The following TPM2 variants were observed in gnomAD, a reference collection of about 807,000 sequenced individuals.
TPM2 encodes tropomyosin 2, also known as tropomyosin beta chain.
In TPM2, 26 loss-of-function variants were observed where a neutral mutation model predicts 41.0. The ratio of observed to expected loss-of-function variants is 0.63; its 90% CI spans 0.46 to 0.88. TPM2 has a LOEUF of 0.88. Among genes scored for constraint, TPM2 ranks in the 40% least tolerant of loss-of-function variants. TPM2 has a pLI of 0.00. For missense variants in TPM2, 187 were observed against 355.2 expected (o/e 0.53, Z 3.81); for synonymous variants, 143 against 139.3 (o/e 1.03, Z -0.19).
At position 35,685,877 on chromosome 9, in the gene TPM2, T is replaced by C; in HGVS notation, c.241-97A>G. On this transcript the variant is annotated intron_variant, in intron 2 of 8. Coordinates refer to ENST00000645482, the MANE Select transcript of TPM2 (RefSeq NM_003289.4). The surrounding 1 kb of genome is among the most constrained non-coding windows in gnomAD (Gnocchi z 5.0). ...TGGCGAGATTCTTCTCAGAAAGAAC[T>C]GAGGCTTCCTGGTTTCTAGACATTC... 1.3e-6 allele frequency: 2 copies of C among 1,582,182 alleles called. No individual in the cohort carries two copies. Among genetic ancestry groups the C allele is most frequent in the Non-Finnish European group, 1.7e-6 (2 of 1,154,670 alleles).
chr9:35,686,612 G>A (rs1824924574), intron 2 of TPM2, among the ~76,000 whole-genome samples: 1 of 147,966 alleles, frequency 6.8e-6, no homozygotes, highest in Non-Finnish European at 1.5e-5. Context: ...AGCCCTGCCT[G>A]GGAAACATAG....
At position 35,685,150 on chromosome 9, in the gene TPM2, C is replaced by T. The variant is rs763356267; in HGVS notation, c.563+119G>A. The T allele has an allele frequency of 2.3e-5, 37 of 1,614,028 alleles. No homozygotes were observed. The highest frequency in any genetic ancestry group is 2.2e-4 in the East Asian group (10 of 44,870). ...AGCTGTCTGGCTCGGCTGGGGGCAG[C>T]GGGCAGGGGTCAGAGAACAGGGCCT... On this transcript the variant is annotated intron_variant, in intron 5 of 8. Transcript: ENST00000645482. This position sits in a 1 kb window ranked among gnomAD's most constrained non-coding sequence, Gnocchi z 5.0.
rs1041617220 is a variant in TPM2, at chr9:35,685,952, T to TA, written c.241-173dup. On this transcript the variant is annotated intron_variant, in intron 2 of 8. Coordinates refer to ENST00000645482, the MANE Select transcript of TPM2 (RefSeq NM_003289.4). The surrounding 1 kb of genome is among the most constrained non-coding windows in gnomAD (Gnocchi z 5.0). ...ATCTTCTGCCCAGACTGTGCTCCAG[T>TA]AAAAAATGTGCATTCAGGCCGGGCA... 5.1e-4 allele frequency among the ~76,000 whole-genome samples: 78 copies of TA among 152,254 alleles called. No individual in the cohort carries two copies. The highest frequency in any genetic ancestry group is 6.8e-3 in the Middle Eastern group (2 of 294).
chr9:35,689,603 G>A (rs1256357293), intron 1 of TPM2, 101 bp downstream of exon 1: 4 of 1,588,918 alleles, frequency 2.5e-6, no homozygotes. Flanking sequence ...CTGGGTGAGA[G>A]AGAGCCTTGG....
intron 6 of TPM2, 68 bp from the exon 7 acceptor site, chr9:35,684,618 C>T (rs1048819568): frequency 5.6e-6 from 9 of 1,613,262 alleles, no homozygotes; most frequent in African/African-American, 1.3e-5. Context: ...CATTGTACCC[C>T]GTAGGCTCCT....
In TPM2 at chr9:35,685,084, G is replaced by C; in HGVS notation, c.563+185C>G. The C allele has an allele frequency of 6.2e-7, 1 of 1,614,218 alleles. No homozygotes were observed. Reference sequence around the variant, plus strand: ...ACTACCTCCTCCTCTGAGGCCATCAGGGACTTGAGGGCCTGGTCCATGGTT... The same window carrying C: ...ACTACCTCCTCCTCTGAGGCCATCACGGACTTGAGGGCCTGGTCCATGGTT... On this transcript the variant is annotated intron_variant, in intron 5 of 8. Coordinates refer to ENST00000645482, the MANE Select transcript of TPM2 (RefSeq NM_003289.4). This position sits in a 1 kb window ranked among gnomAD's most constrained non-coding sequence, Gnocchi z 5.0.
chr9:35,685,131 C>T lies in TPM2; in HGVS notation c.563+138G>A. On this transcript the variant is annotated intron_variant, in intron 5 of 8. Coordinates refer to ENST00000645482, the MANE Select transcript of TPM2 (RefSeq NM_003289.4). This position sits in a 1 kb window ranked among gnomAD's most constrained non-coding sequence, Gnocchi z 5.0. ...GGTTCGAAGTTCCTCCTCCAGCTGT[C>T]TGGCTCGGCTGGGGGCAGCGGGCAG... 6.2e-7 allele frequency: 1 copy of T among 1,614,118 alleles called. No individual in the cohort carries two copies. Among genetic ancestry groups the T allele is most frequent in the Non-Finnish European group, 8.5e-7 (1 of 1,180,002 alleles).
At chr9:35,682,257 T>C, downstream of TPM2, 1 of 1,363,470 alleles carries the variant, frequency 7.3e-7, no homozygotes, top group South Asian at 1.2e-5. Context: ...AGACATGGAG[T>C]GGGTCAAGGA....
chr9:35,685,182 A>G lies in TPM2; in HGVS notation c.563+87T>C, dbSNP rs777820471. On this transcript the variant is annotated intron_variant, in intron 5 of 8. Transcript: ENST00000645482. This position sits in a 1 kb window ranked among gnomAD's most constrained non-coding sequence, Gnocchi z 5.0. The stretch of plus-strand genomic sequence containing the variant: ...GGGTCAGAGAACAGGGCCTGTCCCT[A>G]CAGCCCCAAGCCTAGGATGCTACCT... 6 of 1,614,102 alleles carry G rather than the reference A, an allele frequency of 3.7e-6. No individual in the cohort carries two copies. In the Admixed American group the frequency reaches 8.3e-5, roughly 22 times the overall value.
At chr9:35,688,768 C>T (rs897486837) in intron 2 of TPM2, among the ~76,000 whole-genome samples, 6 of 152,164 alleles carry the variant, frequency 3.9e-5, no homozygotes, top group African/African-American at 1.4e-4. Context: ...TACCTCACAT[C>T]CACATCCCCC....
chr9:35,684,894 G>A (rs1220334382), intron 5 of TPM2, 87 bp from the exon 6 acceptor site: 3 of 1,612,408 alleles, frequency 1.9e-6, no homozygotes, highest in African/African-American at 2.7e-5. Flanking sequence ...GACGGGTGGA[G>A]GAGAGAAGAG....
Position 35,689,902 on chromosome 9 carries a change from A to G in TPM2, c.-85T>C, listed in dbSNP as rs1044323254. On this transcript the variant is annotated 5_prime_UTR_variant, in exon 1 of 9. Coordinates refer to ENST00000645482, the MANE Select transcript of TPM2 (RefSeq NM_003289.4). ...TGAGCGGACTGGGTGCACCGGTGGC[A>G]GGCGAGGAGGACGGAGCGGGACTGG... 29 of 1,604,024 alleles carry G rather than the reference A, an allele frequency of 1.8e-5. No homozygotes were observed. The highest frequency in any genetic ancestry group is 2.3e-5 in the Non-Finnish European group (27 of 1,176,794).
chr9:35,682,346 G>C (rs911692394), downstream of TPM2: 1 of 939,624 alleles, frequency 1.1e-6, no homozygotes, highest in South Asian at 1.5e-5. Flanking sequence ...GGAACAGGAC[G>C]GACGTGGATG....
At chr9:35,684,658 C>T in intron 6 of TPM2, 74 bp downstream of exon 6, 2 of 1,613,534 alleles carry the variant, frequency 1.2e-6, no homozygotes, top group African/African-American at 1.3e-5. Flanking sequence ...AACACCCAGC[C>T]CCTCCCTGCC....
chr9:35,682,221 G>C, downstream of TPM2: 1 of 1,568,354 alleles, frequency 6.4e-7, no homozygotes, highest in Non-Finnish European at 8.8e-7. Flanking sequence ...GACGTGGGGA[G>C]GCAGGGCCAG....
intron 2 of TPM2, chr9:35,686,393 G>A (rs760401): frequency 0.22 from 34,810 of 160,370 alleles, 4,644 homozygotes; most frequent in East Asian, 0.32. Context: ...CACTTCAAGT[G>A]CTGGGGCCAG....
At position 35,684,830 on chromosome 9, in the gene TPM2, G is replaced by C. The variant is rs757014305; in HGVS notation, c.564-23C>G. ...TTACTGCAGGGGGTGTGTGGCGGGGGGGGCAGGGTGTGAGGGCACAGCGAA... is the reference window on the plus strand; with the variant it reads ...TTACTGCAGGGGGTGTGTGGCGGGGCGGGCAGGGTGTGAGGGCACAGCGAA... On this transcript the variant is annotated intron_variant, in intron 5 of 8. Coordinates refer to ENST00000645482, the MANE Select transcript of TPM2 (RefSeq NM_003289.4). The C allele has an allele frequency of 3.7e-6, 6 of 1,613,732 alleles. No homozygotes were observed. In the South Asian group the frequency reaches 6.6e-5, roughly 18 times the overall value.
chr9:35,682,893 T>C (rs144665508), downstream of TPM2: 461 of 1,481,668 alleles, frequency 3.1e-4, 4 homozygotes, highest in South Asian at 4.6e-3. Flanking sequence ...GTGGTGGCGA[T>C]AGAGGTGCTC....
chr9:35,684,096 T>C, intron 8 of TPM2, 150 bp downstream of exon 8: 1 of 758,900 alleles, frequency 1.3e-6, no homozygotes, highest in Non-Finnish European at 2.3e-6. Flanking sequence ...ATTACTTGAA[T>C]TGTAGACATG....
Sources: gnomAD v4.1 joint callset for allele counts (sites outside exome capture counted in the v4.1 genomes callset) on GRCh38, gnomAD v4.1.1 for gene constraint, Gnocchi (gnomAD v3.1) non-coding constraint, MANE v1.5 for transcripts, NCBI Gene and HGNC (gene_info 2026-07-23, HGNC 2026-07-21) for gene names.